Variants in INTS14 observed in about 807,000 individuals in gnomAD.
INTS14 encodes the protein integrator complex subunit 14, also known as UPF0464 protein C15orf44.
Under a neutral mutation model 56.9 loss-of-function variants are expected in INTS14, and 27 were observed. The observed-to-expected ratio is 0.47, with a 90% CI of 0.35 to 0.65. INTS14 has a LOEUF of 0.65. INTS14 is among the 30% of genes least tolerant of loss of function. The pLI, the probability that INTS14 is intolerant of heterozygous loss-of-function variation, is 0.00. For missense variants in INTS14, 517 were observed against 632.2 expected (o/e 0.82, Z 1.95); for synonymous variants, 207 against 236.2 (o/e 0.88, Z 1.13).
chr15:65,584,817 T>G lies in INTS14; in HGVS notation c.1192A>C (p.Ser398Arg), dbSNP rs2072756976. 1 of 1,613,568 alleles carries G rather than the reference T, an allele frequency of 6.2e-7. No homozygotes were observed. The highest frequency in any genetic ancestry group is 8.5e-7 in the Non-Finnish European group (1 of 1,179,748). ...CAGACAGTCACATTCTGGGCATAAC[T>G]GCGTTTGTTTTTGGGCTGCAGGGGG... ...PFPLQPKNKR[S>R]YAQNVTVWIK... The change falls in exon 10 of 12, where the codon AGT (serine) becomes CGT (arginine). Residue 398 changes from serine to arginine, a missense_variant. Coordinates refer to ENST00000313182, the MANE Select transcript of INTS14 (RefSeq NM_001394796.1).
intron 9 of INTS14, chr15:65,586,874 A>C (rs1433649497): frequency 1.3e-5 from 2 of 152,226 alleles, no homozygotes; most frequent in Non-Finnish European, 2.9e-5. Context: ...GAAGATCATG[A>C]ATTGCCAGAT....
chr15:65,587,958 A>G (rs1294570926), intron 9 of INTS14, among the ~76,000 whole-genome samples: 1 of 152,148 alleles, frequency 6.6e-6, no homozygotes, highest in African/African-American at 2.4e-5. Context: ...CCTGGGTGAC[A>G]GAGTGAGACC....
In INTS14 at chr15:65,595,837, G is replaced by T; in HGVS notation, c.749-12C>A. The T allele has an allele frequency of 6.4e-7, 1 of 1,561,936 alleles. No homozygotes were observed. The highest frequency in any genetic ancestry group is 8.7e-7 in the Non-Finnish European group (1 of 1,144,532). On this transcript the variant is annotated splice_polypyrimidine_tract_variant and intron_variant, in intron 6 of 11. Transcript: ENST00000313182. ...CACTATTTCCAAATCTGAAATGAAG[G>T]AATCAACACAGAATTAATTCATTCT... is the stretch of plus-strand genomic sequence containing the variant.
At chr15:65,598,818 A>G in intron 5 of INTS14, 54 bp downstream of exon 5, 1 of 1,360,680 alleles carries the variant, frequency 7.3e-7, no homozygotes, top group East Asian at 2.3e-5. Flanking sequence ...CCTGGATGTC[A>G]AATTATAATA....
chr15:65,581,871 C>T, intron 11 of INTS14, 83 bp downstream of exon 11: 1 of 1,387,324 alleles, frequency 7.2e-7, no homozygotes, highest in Non-Finnish European at 1.0e-6. Context: ...ATCTCTAACC[C>T]CTGCCCATAT....
At chr15:65,610,305 G>C (rs1242371714) in intron 1 of INTS14, among the ~76,000 whole-genome samples, 1 of 152,178 alleles carries the variant, frequency 6.6e-6, no homozygotes, top group East Asian at 1.9e-4. Flanking sequence ...GTTGCAGTGA[G>C]CCGAGATCGC....
At chr15:65,590,552 G>C (rs1427159885) in intron 9 of INTS14, among the ~76,000 whole-genome samples, 1 of 152,132 alleles carries the variant, frequency 6.6e-6, no homozygotes, top group Non-Finnish European at 1.5e-5. Flanking sequence ...GTTTGCCCAG[G>C]ATGCCCTTTC....
intron 1 of INTS14, among the ~76,000 whole-genome samples, chr15:65,609,717 G>A (rs769304106): frequency 1.3e-5 from 2 of 152,212 alleles, no homozygotes; most frequent in Non-Finnish European, 2.9e-5. Context: ...CCCAGCTCCT[G>A]TGGTAGTCCC....
Position 65,579,457 on chromosome 15 carries a change from A to C in INTS14, c.1508T>G (p.Ile503Ser), listed in dbSNP as rs1223302890. 5 of 1,614,212 alleles carry C rather than the reference A, an allele frequency of 3.1e-6. No homozygotes were observed. ...TSEYAAYDQN[I>S]TPLHTDFSGS... ...AGAGAAGTCCGTGTGCAAAGGTGTGATGTTCTGGTCATAAGCGGCATACTC... is the reference window on the plus strand; with the variant it reads ...AGAGAAGTCCGTGTGCAAAGGTGTGCTGTTCTGGTCATAAGCGGCATACTC... Residue 503 changes from isoleucine (I) to serine (S), a missense_variant, in exon 12 of 12, where the codon ATC becomes AGC. Transcript: ENST00000313182.
At chr15:65,587,181 T>C (rs1042301862) in intron 9 of INTS14, among the ~76,000 whole-genome samples, 4 of 152,096 alleles carry the variant, frequency 2.6e-5, no homozygotes, top group African/African-American at 9.7e-5. Context: ...TTTCAAAATA[T>C]ACAAGATTTC....
intron 1 of INTS14, among the ~76,000 whole-genome samples, chr15:65,608,941 AG>A (rs1239990978): frequency 2.6e-5 from 4 of 152,210 alleles, no homozygotes; most frequent in Non-Finnish European, 5.9e-5. Context: ...TCTGTCGCCC[AG>A]GCTGGAGTGC....
At chr15:65,595,643 TC>T in intron 7 of INTS14, 89 bp downstream of exon 7, 1 of 1,023,024 alleles carries the variant, frequency 9.8e-7, no homozygotes, top group Non-Finnish European at 1.5e-6. Context: ...TCCCCTAAAT[TC>T]TGCAAAATGG....
chr15:65,592,803 A>G (rs537207264), intron 8 of INTS14, among the ~76,000 whole-genome samples: 1 of 152,290 alleles, frequency 6.6e-6, no homozygotes, highest in Admixed American at 6.5e-5. Flanking sequence ...ATCCTGCCTA[A>G]GATCCTAAAG....
At position 65,607,228 on chromosome 15, in the gene INTS14, T is replaced by C. The variant is rs955374385; in HGVS notation, c.153A>G (p.Thr51=). The C allele has an allele frequency of 7.4e-6, 12 of 1,614,260 alleles. No homozygotes were observed. Among genetic ancestry groups the C allele is most frequent in the Non-Finnish European group, 9.3e-6 (11 of 1,180,046 alleles). ...AAAGTGATGAAAAAACCACAAGTGCTGTAAATTCAAGCTTGTAATTTGTGG... is the reference window on the plus strand; with the variant it reads ...AAAGTGATGAAAAAACCACAAGTGCCGTAAATTCAAGCTTGTAATTTGTGG... ...HMATNYKLEF[T]ALVVFSSLWE... Residue 51 remains threonine (T), a synonymous_variant, in exon 2 of 12, where the codon ACA becomes ACG. Transcript: ENST00000313182.
chr15:65,597,817 C>T (rs760165193), intron 6 of INTS14, among the ~76,000 whole-genome samples: 14 of 152,128 alleles, frequency 9.2e-5, no homozygotes, highest in Non-Finnish European at 1.6e-4. Context: ...CTAGTGAATA[C>T]GGCTATGATT....
At chr15:65,598,044 C>G (rs1358082872) in intron 6 of INTS14, among the ~76,000 whole-genome samples, 1 of 152,176 alleles carries the variant, frequency 6.6e-6, no homozygotes, top group African/African-American at 2.4e-5. Context: ...ATGCACGAAG[C>G]TGACACGAAG....
rs201859068 is a variant in INTS14 at position 65,595,700 on chromosome 15, C to T, written c.841+33G>A. On this transcript the variant is annotated intron_variant, in intron 7 of 11. Coordinates refer to ENST00000313182, the MANE Select transcript of INTS14 (RefSeq NM_001394796.1). Reference sequence around the variant, plus strand: ...TTAAGAACAACTTTAGTTAATAAGACGCTTCAGACGTATCAGTGGAATAGG... The same window carrying T: ...TTAAGAACAACTTTAGTTAATAAGATGCTTCAGACGTATCAGTGGAATAGG... 37 of 1,508,208 alleles carry T rather than the reference C, an allele frequency of 2.5e-5. No individual in the cohort carries two copies. In the East Asian group the frequency reaches 5.5e-4, roughly 22 times the overall value. 93.4% of individuals were successfully genotyped at this position (1,508,208 alleles called of 1,614,324 possible).
intron 7 of INTS14, 102 bp from the exon 8 acceptor site, chr15:65,593,674 G>A (rs1255958832): frequency 7.4e-7 from 1 of 1,359,622 alleles, no homozygotes; most frequent in African/African-American, 1.5e-5. Flanking sequence ...GGATAGTGTA[G>A]AGTTCTAAGG....
chr15:65,601,531 C>T (rs991252035), intron 3 of INTS14, among the ~76,000 whole-genome samples: 1 of 152,118 alleles, frequency 6.6e-6, no homozygotes, highest in Non-Finnish European at 1.5e-5. Flanking sequence ...TTAGTAGAGA[C>T]GGGGTTTCAC....
Sources: gnomAD v4.1 joint callset for allele counts (sites outside exome capture counted in the v4.1 genomes callset) on GRCh38, gnomAD v4.1.1 for gene constraint, MANE v1.5 for transcripts, NCBI Gene and HGNC (gene_info 2026-07-23, HGNC 2026-07-21) for gene names.